The following SULT1C2 variants were observed in gnomAD, a reference collection of about 807,000 sequenced individuals.
SULT1C2 encodes the protein sulfotransferase 1C2.
SULT1C2 carries 27 observed loss-of-function variants against 36.0 expected under a neutral mutation model. The observed-to-expected ratio is 0.75, with a 90% CI of 0.55 to 1.03. SULT1C2 has a LOEUF of 1.03. Ranked by LOEUF, SULT1C2 falls within the 50% of genes least tolerant of loss-of-function variation. The probability of loss-of-function intolerance (pLI) is 0.00; values close to 1 mark genes in which losing one functional copy is unlikely to be tolerated. For missense variants in SULT1C2, 395 were observed against 359.2 expected (o/e 1.10, Z -0.80); for synonymous variants, 121 against 116.0 (o/e 1.04, Z -0.27).
intron 4 of SULT1C2, chr2:108,302,921 G>C (rs934727463): frequency 6.6e-6 from 1 of 152,196 alleles, no homozygotes; most frequent in African/African-American, 2.4e-5. Context: ...TTTGAGGAGA[G>C]AGGAGAGACC....
Position 108,301,192 on chromosome 2 carries a change from G to C in SULT1C2, c.375+257G>C. 3 of 434,572 alleles carry C rather than the reference G, an allele frequency of 6.9e-6. 1 individual carries two copies. Among genetic ancestry groups the C allele is most frequent in the Non-Finnish European group, 1.2e-5 (3 of 246,452 alleles). 26.9% of individuals were successfully genotyped at this position (434,572 alleles called of 1,614,324 possible). A position where few individuals can be genotyped will look rare whatever the true frequency, so the allele number is the denominator to read the frequency against. ...TGGGGAGGCAGTGAGTGCAGTAAGC[G>C]TAGCTGTGAAATGAAGGGGAGAAGA... On this transcript the variant is annotated intron_variant, in intron 4 of 7. Coordinates refer to ENST00000251481, the MANE Select transcript of SULT1C2 (RefSeq NM_001056.4).
chr2:108,302,013 T>C (rs1182047398), intron 4 of SULT1C2: 4 of 152,172 alleles, frequency 2.6e-5, no homozygotes, highest in Non-Finnish European at 1.5e-5. Context: ...AACTAGGTGT[T>C]CTGAACCCCT....
chr2:108,295,953 C>G (rs2104415026), intron 3 of SULT1C2, among the ~76,000 whole-genome samples: 1 of 152,292 alleles, frequency 6.6e-6, no homozygotes, highest in South Asian at 2.1e-4. Flanking sequence ...ACCGCCACAC[C>G]TGGCAAATTT....
chr2:108,300,802 T>A (rs1558679683), intron 3 of SULT1C2, 36 bp from the exon 4 acceptor site: 1 of 1,613,746 alleles, frequency 6.2e-7, no homozygotes, highest in Non-Finnish European at 8.5e-7. Context: ...GTAGTGCTTG[T>A]ACTACGCAGA....
intron 4 of SULT1C2, 123 bp downstream of exon 4, chr2:108,301,058 G>C (rs1440669008): frequency 3.2e-6 from 4 of 1,252,886 alleles, no homozygotes; most frequent in Non-Finnish European, 4.4e-6. Context: ...ATGCTTACCA[G>C]CAAAGAGAAA....
chr2:108,303,448 T>C (rs531880375), intron 4 of SULT1C2: 2 of 152,358 alleles, frequency 1.3e-5, no homozygotes, highest in African/African-American at 4.8e-5. Context: ...ATTGGCCAGT[T>C]TGAACCACTG....
Position 108,305,417 on chromosome 2 carries a change from C to CTT in SULT1C2, c.600_601insTT (p.Pro201PhefsTer9). 1 of 1,613,826 alleles carries CTT rather than the reference C, an allele frequency of 6.2e-7. No individual in the cohort carries two copies. The highest frequency in any genetic ancestry group is 8.5e-7 in the Non-Finnish European group (1 of 1,179,832). On this transcript the variant is annotated frameshift_variant, in exon 7 of 8. Coordinates refer to ENST00000251481, the MANE Select transcript of SULT1C2 (RefSeq NM_001056.4). LOFTEE classifies it high-confidence loss of function. The stretch of plus-strand genomic sequence containing the variant: ...GTCCAATGTTACCCTTGCCGCAGGA[C>CTT]CCAAAGCATGAAATTCGGAAGGTGA...
In SULT1C2 at chr2:108,304,624, T is replaced by A. The variant is rs532793119; in HGVS notation, c.426T>A (p.His142Gln). ...NAKDCMVSYY[H>Q]FQRMNHMLPD... Reference sequence around the variant, plus strand: ...AAGACTGTATGGTTTCCTACTACCATTTCCAAAGGATGAACCACATGCTTC... The same window carrying A: ...AAGACTGTATGGTTTCCTACTACCAATTCCAAAGGATGAACCACATGCTTC... The change falls in exon 5 of 8, where the codon CAT (histidine) becomes CAA (glutamine). Residue 142 changes from histidine to glutamine, a missense_variant. His to Gln is a conservative substitution (Grantham distance 24). Transcript: ENST00000251481. 5.6e-6 allele frequency: 9 copies of A among 1,613,772 alleles called. No individual in the cohort carries two copies. The highest frequency in any genetic ancestry group is 1.7e-4 in the Middle Eastern group (1 of 6,060).
In SULT1C2 at chr2:108,300,914, T is replaced by G. The variant is rs199925755; in HGVS notation, c.354T>G (p.Ser118=). ...TTTCCACTCAGCTGCTGCCACCGTCTTTCTGGGAAAACAACTGCAAGGTAA... is the reference window on the plus strand; with the variant it reads ...TTTCCACTCAGCTGCTGCCACCGTCGTTCTGGGAAAACAACTGCAAGGTAA... The part of the protein sequence containing the change: ...THLSTQLLPP[S]FWENNCKFLY... Residue 118 remains serine (S), a synonymous_variant, in exon 4 of 8, where the codon TCT becomes TCG. Transcript: ENST00000251481. 1.6e-4 allele frequency: 252 copies of G among 1,614,014 alleles called. No homozygotes were observed. The highest frequency in any genetic ancestry group is 2.0e-4 in the Non-Finnish European group (231 of 1,180,026).
At chr2:108,299,797 TA>T (rs1458470287) in intron 3 of SULT1C2, 6 of 152,166 alleles carry the variant, frequency 3.9e-5, no homozygotes, top group African/African-American at 1.2e-4. Context: ...AAAATAACAT[TA>T]TTCACAATAG....
chr2:108,292,855 C>A (rs1229850592), intron 1 of SULT1C2, among the ~76,000 whole-genome samples: 1 of 152,106 alleles, frequency 6.6e-6, no homozygotes, highest in Non-Finnish European at 1.5e-5. Flanking sequence ...TTCATGACAG[C>A]CAAAAGTTTC....
At chr2:108,305,394 C>G in intron 6 of SULT1C2, 21 bp from the exon 7 acceptor site, 1 of 1,612,516 alleles carries the variant, frequency 6.2e-7, no homozygotes, top group Non-Finnish European at 8.5e-7. Context: ...TCATTCCAGT[C>G]CAATGTTACC....
chr2:108,300,697 C>T, intron 3 of SULT1C2, 141 bp from the exon 4 acceptor site: 1 of 1,337,222 alleles, frequency 7.5e-7, no homozygotes, highest in Non-Finnish European at 9.9e-7. Context: ...ATTAATAATC[C>T]CATTGTAAAA....
chr2:108,298,835 C>T, intron 3 of SULT1C2: 1 of 203,950 alleles, frequency 4.9e-6, no homozygotes, highest in South Asian at 5.7e-5. Flanking sequence ...ATAAAAAGCT[C>T]TTTTCTCCCT....
intron 3 of SULT1C2, among the ~76,000 whole-genome samples, chr2:108,297,257 G>A (rs1169815837): frequency 6.6e-6 from 1 of 152,170 alleles, no homozygotes. Context: ...GCTACTGGCA[G>A]GGTGAGGGGA....
At chr2:108,294,090 C>T (rs1216777900) in intron 2 of SULT1C2, 139 bp from the exon 3 acceptor site, 1 of 1,477,170 alleles carries the variant, frequency 6.8e-7, no homozygotes, top group African/African-American at 1.4e-5. Context: ...ACTTCTATCA[C>T]TCATGGCAAA....
intron 7 of SULT1C2, 194 bp downstream of exon 7, chr2:108,305,789 G>T (rs1397449742): frequency 1.3e-5 from 9 of 691,892 alleles, no homozygotes; most frequent in Non-Finnish European, 2.3e-6. Flanking sequence ...GTATTTGGTT[G>T]CAAGGAACAG....
chr2:108,307,189 C>T (rs1253481411), intron 7 of SULT1C2, among the ~76,000 whole-genome samples: 2 of 152,156 alleles, frequency 1.3e-5, no homozygotes, highest in East Asian at 1.9e-4. Context: ...AATATTCTAC[C>T]CCTTTTCTCT....
chr2:108,300,665 A>C lies in SULT1C2; in HGVS notation c.278-173A>C, dbSNP rs540443279. The C allele has an allele frequency of 6.9e-6, 8 of 1,158,680 alleles. No homozygotes were observed. The East Asian group carries it at 1.9e-4, about 28-fold the overall frequency. 71.8% of individuals were successfully genotyped at this position (1,158,680 alleles called of 1,614,324 possible). On this transcript the variant is annotated intron_variant, in intron 3 of 7. Transcript: ENST00000251481. The stretch of plus-strand genomic sequence containing the variant: ...CCCCATCCAGGACTCAAGCTGTGTG[A>C]TTTTACAAAAATGAAAATTATATTA...
Sources: allele counts gnomAD v4.1 joint callset (sites outside exome capture counted in the v4.1 genomes callset), GRCh38; gene constraint gnomAD v4.1.1; transcripts MANE v1.5; gene names NCBI Gene and HGNC (gene_info 2026-07-23, HGNC 2026-07-21).